Variants in SCTR observed in about 807,000 individuals in gnomAD.
The protein encoded by SCTR is secretin receptor.
SCTR carries 56 observed loss-of-function variants against 60.8 expected under a neutral mutation model. The observed-to-expected ratio is 0.92, with a 90% CI of 0.74 to 1.15. The LOEUF is 1.15. Among genes scored for constraint, SCTR ranks in the 50% most tolerant of loss-of-function variants. The probability of loss-of-function intolerance (pLI) is 0.00; values close to 1 mark genes in which losing one functional copy is unlikely to be tolerated. For missense variants in SCTR, 562 were observed against 550.4 expected (o/e 1.02, Z -0.21); for synonymous variants, 202 against 217.0 (o/e 0.93, Z 0.61).
intron 1 of SCTR, among the ~76,000 whole-genome samples, chr2:119,500,314 G>C (rs1236194358): frequency 6.6e-6 from 1 of 152,086 alleles, no homozygotes; most frequent in Non-Finnish European, 1.5e-5. Context: ...ACAGTATGGA[G>C]GTTTCTCAAA....
chr2:119,475,405 C>A (rs1248391697), intron 3 of SCTR, among the ~76,000 whole-genome samples: 2 of 152,112 alleles, frequency 1.3e-5, no homozygotes, highest in African/African-American at 4.8e-5. Flanking sequence ...CAGCAGGACT[C>A]CCAAGACAGA....
At chr2:119,459,711 A>G (rs1268312460) in intron 7 of SCTR, among the ~76,000 whole-genome samples, 1 of 152,160 alleles carries the variant, frequency 6.6e-6, no homozygotes, top group Non-Finnish European at 1.5e-5. Flanking sequence ...TTGAAGAAGA[A>G]AGGAAGGTTC....
chr2:119,493,101 T>C (rs2587671), intron 2 of SCTR, among the ~76,000 whole-genome samples: 128,078 of 152,136 alleles, frequency 0.84, 53,994 homozygotes, highest in East Asian at 0.88. Flanking sequence ...AAATAATCTG[T>C]GCACCTTGGC....
intron 2 of SCTR, among the ~76,000 whole-genome samples, chr2:119,493,542 A>G (rs924294673): frequency 3.9e-5 from 6 of 152,200 alleles, no homozygotes; most frequent in African/African-American, 1.2e-4. Context: ...AATAATTAAC[A>G]TTTAAATTAG....
chr2:119,504,606 A>AAAAT (rs968545838), intron 1 of SCTR, among the ~76,000 whole-genome samples: 116 of 152,064 alleles, frequency 7.6e-4, no homozygotes, highest in South Asian at 2.7e-3. Context: ...ATAAAAATTA[A>AAAAT]AAATAAATAA....
chr2:119,467,164 G>A (rs1446923918), intron 4 of SCTR, among the ~76,000 whole-genome samples: 2 of 152,080 alleles, frequency 1.3e-5, no homozygotes, highest in Non-Finnish European at 2.9e-5. Flanking sequence ...TGGATCACTC[G>A]AGGTTAGAGT....
At chr2:119,511,232 C>A (rs1419295188) in intron 1 of SCTR, among the ~76,000 whole-genome samples, 4 of 152,012 alleles carry the variant, frequency 2.6e-5, no homozygotes, top group South Asian at 2.1e-4. Context: ...AAATTATATT[C>A]TTTTACTGTT....
At chr2:119,521,490 A>C (rs1450845451) in intron 1 of SCTR, among the ~76,000 whole-genome samples, 1 of 152,070 alleles carries the variant, frequency 6.6e-6, no homozygotes, top group African/African-American at 2.4e-5. Context: ...TAATTACAGT[A>C]ATGTTCCAGG....
chr2:119,489,078 T>C (rs778884570), intron 2 of SCTR, among the ~76,000 whole-genome samples: 1 of 151,938 alleles, frequency 6.6e-6, no homozygotes, highest in Non-Finnish European at 1.5e-5. Context: ...AGGAACCCCA[T>C]CTGGCGTGGT....
At chr2:119,523,572 G>T (rs1380015456) in intron 1 of SCTR, among the ~76,000 whole-genome samples, 2 of 151,838 alleles carry the variant, frequency 1.3e-5, no homozygotes, top group Non-Finnish European at 2.9e-5. Context: ...CGGTCCCATC[G>T]CAGACCCAGA....
intron 1 of SCTR, among the ~76,000 whole-genome samples, chr2:119,516,307 G>A (rs1403984047): frequency 1.3e-5 from 2 of 152,108 alleles, no homozygotes; most frequent in African/African-American, 4.8e-5. Flanking sequence ...CCAAGATGTG[G>A]GAGCAACTTA....
At chr2:119,478,344 C>A (rs2104847758) in intron 3 of SCTR, among the ~76,000 whole-genome samples, 1 of 152,262 alleles carries the variant, frequency 6.6e-6, no homozygotes, top group Non-Finnish European at 1.5e-5. Flanking sequence ...GTAAGACAAC[C>A]CCTCGCCCCA....
chr2:119,442,389 A>C (rs1682688991), intron 11 of SCTR, among the ~76,000 whole-genome samples: 1 of 151,906 alleles, frequency 6.6e-6, no homozygotes, highest in African/African-American at 2.4e-5. Context: ...TCAGGGACCC[A>C]CCTCAGGCCA....
chr2:119,502,830 AAAAAAAAG>A (rs1237162814), intron 1 of SCTR, among the ~76,000 whole-genome samples: 17 of 151,508 alleles, frequency 1.1e-4, no homozygotes, highest in Non-Finnish European at 1.9e-4. Flanking sequence ...CGTCAAAAAA[AAAAAAAAG>A]AAAGAAAGAA....
chr2:119,448,598 G>A (rs745647382), intron 10 of SCTR, 91 bp downstream of exon 10: 31 of 767,362 alleles, frequency 4.0e-5, no homozygotes, highest in East Asian at 1.0e-4. Context: ...CGTTTCCTCC[G>A]TCTCCAATAG....
chr2:119,519,810 C>CAAAAAAAAAAAAAA (rs71396064), intron 1 of SCTR, among the ~76,000 whole-genome samples: 2 of 58,282 alleles, frequency 3.4e-5, no homozygotes, highest in African/African-American at 6.0e-5. Context: ...GACTCTGTCT[C>CAAAAAAAAAAAAAA]AAAAAAAAAA....
At chr2:119,490,801 C>G (rs78833088) in intron 2 of SCTR, among the ~76,000 whole-genome samples, 3,523 of 152,240 alleles carry the variant, frequency 0.023, 138 homozygotes, top group African/African-American at 0.081. Context: ...ACCCACTGGC[C>G]CAGTATCCCT....
At chr2:119,503,155 T>C (rs1678610176) in intron 1 of SCTR, among the ~76,000 whole-genome samples, 1 of 75,254 alleles carries the variant, frequency 1.3e-5, no homozygotes, top group Non-Finnish European at 2.3e-5. Context: ...CAAGACTCCA[T>C]CTCAAAAAAA....
intron 1 of SCTR, among the ~76,000 whole-genome samples, chr2:119,518,309 T>TC (rs1410055651): frequency 6.8e-6 from 1 of 148,100 alleles, no homozygotes; most frequent in Non-Finnish European, 1.5e-5. Context: ...ATCCAGGTAG[T>TC]CTCAACTCTT....
Sources: allele counts gnomAD v4.1 joint callset (sites outside exome capture counted in the v4.1 genomes callset), GRCh38; gene constraint gnomAD v4.1.1; transcripts MANE v1.5; gene names NCBI Gene and HGNC (gene_info 2026-07-23, HGNC 2026-07-21).